The following NAALADL2 variants were observed in gnomAD, a reference collection of about 807,000 sequenced individuals.
NAALADL2 encodes N-acetylated alpha-linked acidic dipeptidase like 2.
In NAALADL2, 76 loss-of-function variants were observed where a neutral mutation model predicts 87.2. The observed-to-expected ratio is 0.87, with a 90% confidence interval of 0.72 to 1.05. The LOEUF (loss-of-function observed/expected upper bound fraction) is 1.05, where lower values mean the gene tolerates loss of function less well. Among genes scored for constraint, NAALADL2 ranks in the 50% least tolerant of loss-of-function variants. The pLI, the probability that NAALADL2 is intolerant of heterozygous loss-of-function variation, is 0.00. For missense variants in NAALADL2, 1,089 were observed against 945.8 expected (o/e 1.15, Z -1.99); for synonymous variants, 354 against 331.0 (o/e 1.07, Z -0.75).
chr3:175,516,703 C>T lies in NAALADL2; in HGVS notation c.1653+44945C>T, dbSNP rs568253481. ...TTGAACTATGGATGGCTCTAAATTG[C>T]GATCACTTTACTCAATTCATTCTCT... On this transcript the variant is annotated intron_variant, in intron 9 of 13. Coordinates refer to ENST00000454872, the MANE Select transcript of NAALADL2 (RefSeq NM_207015.3). 5.3e-5 allele frequency among the ~76,000 whole-genome samples: 8 copies of T among 152,114 alleles called. No individual in the cohort carries two copies. In the South Asian group the frequency reaches 1.0e-3, roughly 20 times the overall value.
At chr3:174,463,089 A>G (rs544921957) in intron 1 of NAALADL2, among the ~76,000 whole-genome samples, 1 of 152,334 alleles carries the variant, frequency 6.6e-6, no homozygotes, top group East Asian at 1.9e-4. Flanking sequence ...AAAACAAACC[A>G]TTGTACAGAG....
chr3:175,621,610 T>C (rs1464381690), intron 10 of NAALADL2, among the ~76,000 whole-genome samples: 2 of 152,158 alleles, frequency 1.3e-5, no homozygotes, highest in African/African-American at 2.4e-5. Flanking sequence ...TCAACCAAGA[T>C]TGGATCTAAA....
intron 5 of NAALADL2, among the ~76,000 whole-genome samples, chr3:175,401,138 G>A (rs1009816005): frequency 6.6e-6 from 1 of 152,220 alleles, no homozygotes; most frequent in East Asian, 1.9e-4. Context: ...TGATTCCTCA[G>A]CCTTGAGAAG....
At chr3:175,462,446 C>A (rs12630717) in intron 6 of NAALADL2, among the ~76,000 whole-genome samples, 6,654 of 151,948 alleles carry the variant, frequency 0.044, 349 homozygotes, top group East Asian at 0.14. Flanking sequence ...GAAAGTGTAC[C>A]TTGAGGGAAA....
At chr3:175,657,220 A>G (rs888104709) in intron 11 of NAALADL2, among the ~76,000 whole-genome samples, 8 of 152,140 alleles carry the variant, frequency 5.3e-5, no homozygotes, top group South Asian at 2.1e-4. Flanking sequence ...CTTGTTAAGA[A>G]CGTTGCTTGT....
intron 2 of NAALADL2, among the ~76,000 whole-genome samples, chr3:174,655,413 T>C (rs866225319): frequency 5.9e-5 from 9 of 151,558 alleles, no homozygotes; most frequent in Non-Finnish European, 1.3e-4. Context: ...TTTGCTGCTG[T>C]TGTTGTTAAA....
chr3:174,940,224 T>G (rs2108464026), intron 1 of NAALADL2, among the ~76,000 whole-genome samples: 1 of 152,140 alleles, frequency 6.6e-6, no homozygotes, highest in South Asian at 2.1e-4. Flanking sequence ...CATGAAGGAG[T>G]GTTGAGTTTT....
At chr3:175,169,483 C>T (rs1226887280) in intron 2 of NAALADL2, among the ~76,000 whole-genome samples, 1 of 133,006 alleles carries the variant, frequency 7.5e-6, no homozygotes, top group African/African-American at 2.6e-5. Context: ...AATCTGTTGA[C>T]ATATACAAAT....
chr3:175,376,415 A>AT (rs1292282738), intron 5 of NAALADL2, among the ~76,000 whole-genome samples: 1 of 151,660 alleles, frequency 6.6e-6, no homozygotes, highest in South Asian at 2.1e-4. Flanking sequence ...CTTTTTCCTT[A>AT]TTTTTTCTTT....
Position 174,833,668 on chromosome 3 carries a change from T to C in NAALADL2, c.-9+95922T>C, listed in dbSNP as rs73047970. Among the ~76,000 whole-genome samples the C allele has an allele frequency of 9.8e-3, 1,495 of 152,194 alleles. 20 individuals carry two copies. The highest frequency in any genetic ancestry group is 0.034 in the African/African-American group (1,412 of 41,554). On this transcript the variant is annotated intron_variant, in intron 3 of 3. Coordinates refer to the NAALADL2 transcript ENST00000434257. Reference sequence around the variant, plus strand: ...CATACATATCATTAACAAAATACTATCAAATTCAATGCAGCTATATATGAA... The same window carrying C: ...CATACATATCATTAACAAAATACTACCAAATTCAATGCAGCTATATATGAA...
chr3:174,488,218 T>C (rs573092661), intron 1 of NAALADL2, among the ~76,000 whole-genome samples: 2 of 152,050 alleles, frequency 1.3e-5, no homozygotes, highest in Non-Finnish European at 2.9e-5. Flanking sequence ...AATGCAGTTT[T>C]CTTCATCACT....
chr3:175,677,476 GGGGTGT>G (rs932275225), intron 11 of NAALADL2, among the ~76,000 whole-genome samples: 5 of 128,166 alleles, frequency 3.9e-5, no homozygotes. Flanking sequence ...ATAGTATAAT[GGGGTGT>G]GTGTGTGTGT....
At chr3:174,803,171 C>T (rs1719041652) in intron 3 of NAALADL2, among the ~76,000 whole-genome samples, 1 of 152,166 alleles carries the variant, frequency 6.6e-6, no homozygotes, top group Admixed American at 6.5e-5. Flanking sequence ...GATCGCCATT[C>T]TAACTGACAT....
intron 5 of NAALADL2, among the ~76,000 whole-genome samples, chr3:175,367,866 G>T (rs1765855076): frequency 6.6e-6 from 1 of 152,036 alleles, no homozygotes; most frequent in South Asian, 2.1e-4. Flanking sequence ...CTGCCTGATT[G>T]CCCTGGCCAG....
chr3:175,125,364 A>G (rs1328312499), intron 2 of NAALADL2, among the ~76,000 whole-genome samples: 4 of 151,910 alleles, frequency 2.6e-5, no homozygotes, highest in Non-Finnish European at 5.9e-5. Flanking sequence ...GATCCAAATT[A>G]GGTTTTTACA....
chr3:174,688,069 A>C (rs1187961774), intron 2 of NAALADL2, among the ~76,000 whole-genome samples: 2 of 152,166 alleles, frequency 1.3e-5, no homozygotes, highest in Non-Finnish European at 2.9e-5. Flanking sequence ...TTTATATCTT[A>C]TGTAATTTTA....
chr3:175,244,291 T>C (rs1297773930), intron 3 of NAALADL2, among the ~76,000 whole-genome samples: 1 of 152,214 alleles, frequency 6.6e-6, no homozygotes, highest in Non-Finnish European at 1.5e-5. Flanking sequence ...TGGTAATATA[T>C]ATGGAGTAAG....
intron 1 of NAALADL2, among the ~76,000 whole-genome samples, chr3:175,067,772 A>G (rs985860795): frequency 3.9e-5 from 6 of 152,150 alleles, no homozygotes; most frequent in Non-Finnish European, 8.8e-5. Context: ...TTATTATACC[A>G]AAAAGACACA....
In NAALADL2 at chr3:175,176,123, C is replaced by T. The variant is rs73881425; in HGVS notation, c.546-57808C>T. Reference sequence around the variant, plus strand: ...TCATACTGAATGATTTTTATATTTGCATGGGTAACATAATTGTAAATATAT... The same window carrying T: ...TCATACTGAATGATTTTTATATTTGTATGGGTAACATAATTGTAAATATAT... On this transcript the variant is annotated intron_variant, in intron 2 of 13. Coordinates refer to ENST00000454872, the MANE Select transcript of NAALADL2 (RefSeq NM_207015.3). 3.6e-3 allele frequency among the ~76,000 whole-genome samples: 549 copies of T among 152,160 alleles called. 3 individuals are homozygous for T. Among genetic ancestry groups the T allele is most frequent in the Middle Eastern group, 0.017 (5 of 294 alleles).
Sources: allele counts gnomAD v4.1 joint callset (sites outside exome capture counted in the v4.1 genomes callset), GRCh38; gene constraint gnomAD v4.1.1; transcripts MANE v1.5; gene names NCBI Gene and HGNC (gene_info 2026-07-23, HGNC 2026-07-21).